HYDIN: variants seen among roughly 807,000 people sequenced by gnomAD.
HYDIN encodes the protein axonemal central pair apparatus protein HYDIN.
In HYDIN, 132 loss-of-function variants were observed where a neutral mutation model predicts 403.9. The ratio of observed to expected loss-of-function variants is 0.33; its 90% CI spans 0.28 to 0.38. The LOEUF (loss-of-function observed/expected upper bound fraction) is 0.38, where lower values mean the gene tolerates loss of function less well. Ranked by LOEUF, HYDIN falls within the 10% of genes least tolerant of loss-of-function variation. The pLI, the probability that HYDIN is intolerant of heterozygous loss-of-function variation, is 1.00. For missense variants in HYDIN, 2,827 were observed against 5,009.5 expected, an observed-to-expected ratio of 0.56 and a Z score of 13.15; for synonymous variants, 1,202 against 1,891.7, an observed-to-expected ratio of 0.64 and a Z score of 9.46.
In HYDIN at chr16:71,135,565, C is replaced by T. The variant is rs1285341495; in HGVS notation, c.1043+1586G>A. ...TCCACAAAGGGTTATGCCCACAGGA[C>T]AAGAATGATACTGAAACACTACTTT... is the stretch of plus-strand genomic sequence containing the variant. On this transcript the variant is annotated intron_variant, in intron 8 of 85. Coordinates refer to ENST00000393567, the MANE Select transcript of HYDIN (RefSeq NM_001270974.2). Among the ~76,000 whole-genome samples the T allele has an allele frequency of 3.4e-5, 5 of 146,690 alleles. No individual in the cohort carries two copies. In the South Asian group the frequency reaches 9.0e-4, roughly 26 times the overall value.
intron 80 of HYDIN, 121 bp downstream of exon 80, chr16:70,832,727 C>T (rs1040283766): frequency 3.9e-5 from 26 of 660,918 alleles, no homozygotes; most frequent in East Asian, 1.1e-4. Flanking sequence ...GCAGTGGAAA[C>T]GGTGTATTCA....
chr16:70,907,501 G>A lies in HYDIN; in HGVS notation c.8397-10C>T. 1.8e-6 allele frequency: 1 copy of A among 569,748 alleles called. No individual in the cohort carries two copies. 35.3% of individuals were successfully genotyped at this position (569,748 alleles called of 1,614,324 possible). On this transcript the variant is annotated splice_polypyrimidine_tract_variant and intron_variant, in intron 49 of 85. Transcript: ENST00000393567. Reference sequence around the variant, plus strand: ...CTGAGGAAATACCACTCTGAACACAGGAGGGGAAAAGGTGAGGAGAGGCTG... The same window carrying A: ...CTGAGGAAATACCACTCTGAACACAAGAGGGGAAAAGGTGAGGAGAGGCTG...
chr16:70,894,964 C>T (rs1227807939), intron 54 of HYDIN, among the ~76,000 whole-genome samples: 7 of 152,214 alleles, frequency 4.6e-5, no homozygotes, highest in Admixed American at 1.3e-4. Context: ...TAATATCCCA[C>T]GATATGGTGG....
chr16:71,207,801 C>A (rs1191130335), intron 1 of HYDIN, among the ~76,000 whole-genome samples: 1 of 151,854 alleles, frequency 6.6e-6, no homozygotes. Context: ...GACTTTAAAC[C>A]AACAAAGATC....
chr16:71,124,480 C>G (rs2084374598), intron 9 of HYDIN, among the ~76,000 whole-genome samples: 1 of 151,630 alleles, frequency 6.6e-6, no homozygotes, highest in South Asian at 2.1e-4. Context: ...GAAAGAGCCT[C>G]TGAAACAGGA....
At chr16:71,158,112 C>G (rs2085848307) in intron 6 of HYDIN, among the ~76,000 whole-genome samples, 1 of 152,326 alleles carries the variant, frequency 6.6e-6, no homozygotes, top group South Asian at 2.1e-4. Context: ...GGAAGCCCCA[C>G]AGGGACACTG....
intron 9 of HYDIN, among the ~76,000 whole-genome samples, chr16:71,127,730 C>T (rs111735846): frequency 0.03 from 4,557 of 152,250 alleles, 196 homozygotes; most frequent in African/African-American, 0.1. Flanking sequence ...AGTCTTGGAC[C>T]GCATGAACCT....
intron 2 of HYDIN, among the ~76,000 whole-genome samples, chr16:71,185,469 T>C (rs1270998060): frequency 6.6e-6 from 1 of 152,174 alleles, no homozygotes; most frequent in African/African-American, 2.4e-5. Context: ...GAGAGAAATC[T>C]TATAAAATTG....
chr16:70,862,337 G>A, intron 68 of HYDIN, 82 bp from the exon 69 acceptor site: 3 of 761,782 alleles, frequency 3.9e-6, no homozygotes, highest in Non-Finnish European at 4.2e-6. Context: ...AGGTCCTTAG[G>A]GGCCCTCTGC....
chr16:71,210,545 A>G (rs999971736), intron 1 of HYDIN, among the ~76,000 whole-genome samples: 3 of 152,136 alleles, frequency 2.0e-5, no homozygotes, highest in African/African-American at 7.2e-5. Context: ...GAAAAAAAAA[A>G]GCTTTCAGGT....
intron 58 of HYDIN, among the ~76,000 whole-genome samples, chr16:70,886,914 T>C (rs2041172584): frequency 6.6e-6 from 1 of 152,132 alleles, no homozygotes; most frequent in African/African-American, 2.4e-5. Context: ...CTCAGATTCT[T>C]GAGTCTGTAG....
At chr16:71,197,095 G>C (rs2087732716) in intron 1 of HYDIN, among the ~76,000 whole-genome samples, 1 of 152,012 alleles carries the variant, frequency 6.6e-6, no homozygotes, top group Admixed American at 6.6e-5. Context: ...GTCTGGATTG[G>C]GACCCCTTTC....
Position 70,824,484 on chromosome 16 carries a change from AT to A in HYDIN, c.14427+2776del, listed in dbSNP as rs1289200508. Among the ~76,000 whole-genome samples, 4 of 149,584 alleles carry A rather than the reference AT, an allele frequency of 2.7e-5. No individual in the cohort carries two copies. The East Asian group carries it at 7.8e-4, about 29-fold the overall frequency. On this transcript the variant is annotated intron_variant, in intron 83 of 85. Transcript: ENST00000393567. ...TTGTTTAAAATTACCTATCAATTTA[AT>A]TTTGATTATTTGCTTATTATATCCT...
chr16:70,863,984 A>T (rs370439204), intron 67 of HYDIN, among the ~76,000 whole-genome samples: 2,474 of 150,888 alleles, frequency 0.016, 6 homozygotes, highest in African/African-American at 0.057. Context: ...GTTACTTCAA[A>T]CTCAAATTCT....
At chr16:71,159,771 AG>A (rs2085923220) in intron 6 of HYDIN, among the ~76,000 whole-genome samples, 1 of 151,952 alleles carries the variant, frequency 6.6e-6, no homozygotes, top group Non-Finnish European at 1.5e-5. Context: ...TAAAGTACTG[AG>A]GAAAAAAATA....
chr16:71,192,741 C>T (rs147160368), intron 1 of HYDIN, among the ~76,000 whole-genome samples: 9 of 152,290 alleles, frequency 5.9e-5, no homozygotes, highest in East Asian at 3.9e-4. Context: ...CTCTCCCTCA[C>T]CGGACTCTTA....
At chr16:70,838,110 G>T (rs1339462319) in intron 76 of HYDIN, among the ~76,000 whole-genome samples, 1 of 152,022 alleles carries the variant, frequency 6.6e-6, no homozygotes, top group Non-Finnish European at 1.5e-5. Flanking sequence ...TGAGATCCTG[G>T]CTGAACTGGG....
At chr16:70,873,767 T>A (rs1351316563) in intron 64 of HYDIN, among the ~76,000 whole-genome samples, 1 of 152,246 alleles carries the variant, frequency 6.6e-6, no homozygotes, top group Non-Finnish European at 1.5e-5. Context: ...ATGTGGATTC[T>A]GATTCAGTAG....
chr16:70,982,356 T>C (rs912122005), intron 28 of HYDIN, among the ~76,000 whole-genome samples: 2 of 151,418 alleles, frequency 1.3e-5, no homozygotes, highest in African/African-American at 4.9e-5. Context: ...CAAAGGAATA[T>C]ATGGCATTGG....
Sources: allele counts gnomAD v4.1 joint callset (sites outside exome capture counted in the v4.1 genomes callset), GRCh38; gene constraint gnomAD v4.1.1; transcripts MANE v1.5; gene names NCBI Gene and HGNC (gene_info 2026-07-23, HGNC 2026-07-21).